Variants in GCNT3 observed in about 807,000 individuals in gnomAD.
The protein encoded by GCNT3 is beta-1,3-galactosyl-O-glycosyl-glycoprotein beta-1,6-N-acetylglucosaminyltransferase 3.
For missense variants in GCNT3, 708 were observed against 530.3 expected (o/e 1.34, Z -3.29); for synonymous variants, 269 against 195.2 (o/e 1.38, Z -3.15).
intron 1 of GCNT3, among the ~76,000 whole-genome samples, chr15:59,615,756 T>C (rs1320328388): frequency 1.3e-5 from 2 of 150,250 alleles, no homozygotes; most frequent in Non-Finnish European, 3.0e-5. Context: ...CGCATGGTGG[T>C]GTGTGCCTGT....
At chr15:59,612,497 G>T (rs554275731) in intron 1 of GCNT3, among the ~76,000 whole-genome samples, 2 of 152,278 alleles carry the variant, frequency 1.3e-5, no homozygotes, top group Admixed American at 1.3e-4. Flanking sequence ...CTGGGCTGTT[G>T]GATAAATTTG....
chr15:59,614,809 A>G (rs1254274510), intron 1 of GCNT3, among the ~76,000 whole-genome samples: 1 of 152,108 alleles, frequency 6.6e-6, no homozygotes, highest in Admixed American at 6.5e-5. Flanking sequence ...TCTCAGCCTC[A>G]TTTTACCCAG....
chr15:59,619,605 A>G lies in GCNT3; in HGVS notation c.*50A>G, dbSNP rs1489216080. 1.6e-6 allele frequency: 2 copies of G among 1,225,562 alleles called. No homozygotes were observed. The highest frequency in any genetic ancestry group is 1.9e-5 in the Admixed American group (1 of 52,302). 75.9% of individuals were successfully genotyped at this position (1,225,562 alleles called of 1,614,324 possible). ...CTGTGGGGCAAGAGCATGTACAAAC[A>G]TGCTCAGAACTTGCTGGGACAGTGT... On this transcript the variant is annotated 3_prime_UTR_variant, in exon 3 of 3. Transcript: ENST00000396065.
rs144836310 is a variant in GCNT3, at chr15:59,619,357, C to A, written c.1119C>A (p.Ile373=). The A allele has an allele frequency of 9.9e-6, 16 of 1,614,054 alleles. No individual in the cohort carries two copies. In the South Asian group the frequency reaches 1.2e-4, roughly 12 times the overall value. ...AGTGGCAGGGTCATGAGGGAGACAT[C>A]GATAAGGGTGCTCCTTATGCTCCCT... ...LVKWQGHEGD[I]DKGAPYAPCS... Residue 373 remains isoleucine, a synonymous_variant, in exon 3 of 3, where the codon ATC becomes ATA. Coordinates refer to ENST00000396065, the MANE Select transcript of GCNT3 (RefSeq NM_004751.3).
In GCNT3 at chr15:59,620,552, G is replaced by T. The variant is rs368506075; in HGVS notation, c.*997G>T. On this transcript the variant is annotated 3_prime_UTR_variant, in exon 3 of 3. Transcript: ENST00000396065. ...CATCCTCATTTTGTTTATATTGCCA[G>T]GTTTGTGATTTTTCTGTAAAGGAAA... 17 of 167,078 alleles carry T rather than the reference G, an allele frequency of 1.0e-4. No individual in the cohort carries two copies. Among genetic ancestry groups the T allele is most frequent in the African/African-American group, 4.1e-4 (17 of 41,524 alleles). The allele number at this position is 167,078 out of a possible 1,614,324, so 10.3% of individuals were successfully genotyped here. A position where few individuals can be genotyped will look rare whatever the true frequency, so the allele number is the denominator to read the frequency against.
rs1162399520 is a variant in GCNT3 at position 59,619,193 on chromosome 15, A to G, written c.955A>G (p.Ile319Val). 4.3e-6 allele frequency: 7 copies of G among 1,613,918 alleles called. No homozygotes were observed. The African/African-American group carries it at 9.3e-5, about 22-fold the overall frequency. Residue 319 changes from isoleucine (I) to valine (V), a missense_variant, in exon 3 of 3, where the codon ATT becomes GTT. Physicochemically the swap from Ile to Val is conservative, Grantham distance 29 (BLOSUM62 3). Coordinates refer to ENST00000396065, the MANE Select transcript of GCNT3 (RefSeq NM_004751.3). ...VLKNPKSQQL[I>V]EWVKDTYSPD... ...GAAGAACCCTAAATCCCAACAACTG[A>G]TTGAATGGGTAAAAGACACTTATAG...
intron 2 of GCNT3, chr15:59,617,943 G>T (rs1199662625): frequency 4.1e-6 from 1 of 243,206 alleles, no homozygotes; most frequent in East Asian, 8.5e-5. Flanking sequence ...GTGCTCAGTT[G>T]TTCCTTTTCT....
Position 59,621,615 on chromosome 15 carries a change from A to G in GCNT3, c.*2060A>G, listed in dbSNP as rs1350517633. ...TTGTTTTTTTTTTTTTTTTTGAGAC[A>G]GAGTCTCACTCTGTCACCCAGGTTG... On this transcript the variant is annotated 3_prime_UTR_variant, in exon 3 of 3. Transcript: ENST00000396065. 1 of 1,282 alleles carries G rather than the reference A, an allele frequency of 7.8e-4. No homozygotes were observed. The highest frequency in any genetic ancestry group is 2.0e-3 in the Non-Finnish European group (1 of 504). The allele number at this position is 1,282 out of a possible 1,614,324, so 0.1% of individuals were successfully genotyped here. A position where few individuals can be genotyped will look rare whatever the true frequency, so the allele number is the denominator to read the frequency against.
In GCNT3 at chr15:59,620,737, A is replaced by G. The variant is rs2082743930; in HGVS notation, c.*1182A>G. ...TAAGGTAATGTGTAATTCATTATTC[A>G]AAGTGGAACATGTTTTTGTAGGGGG... On this transcript the variant is annotated 3_prime_UTR_variant, in exon 3 of 3. Transcript: ENST00000396065. 6.0e-6 allele frequency: 1 copy of G among 167,024 alleles called. No individual in the cohort carries two copies. Among genetic ancestry groups the G allele is most frequent in the Non-Finnish European group, 1.5e-5 (1 of 68,120 alleles). 10.3% of individuals were successfully genotyped at this position (167,024 alleles called of 1,614,324 possible). A position where few individuals can be genotyped will look rare whatever the true frequency, so the allele number is the denominator to read the frequency against.
rs373439386 is a variant in GCNT3, at chr15:59,617,170, C to CTT, written c.-61+291_-61+292dup. On this transcript the variant is annotated intron_variant, in intron 2 of 2. Coordinates refer to ENST00000396065, the MANE Select transcript of GCNT3 (RefSeq NM_004751.3). The stretch of plus-strand genomic sequence containing the variant: ...TTTTTCTTTATTTTTCTTTTGTTTT[C>CTT]TTTCTTTCTTTTTTTTTTTTTAAAG... Among the ~76,000 whole-genome samples, 381 of 82,288 alleles carry CTT rather than the reference C, an allele frequency of 4.6e-3. 14 individuals are homozygous for CTT. Among genetic ancestry groups the CTT allele is most frequent in the East Asian group, 0.032 (92 of 2,878 alleles). The allele number at this position is 82,288 out of a possible 152,430, so 54.0% of individuals were successfully genotyped here. A position where few individuals can be genotyped will look rare whatever the true frequency, so the allele number is the denominator to read the frequency against.
At chr15:59,613,822 A>G (rs1403468174) in intron 1 of GCNT3, among the ~76,000 whole-genome samples, 2 of 152,040 alleles carry the variant, frequency 1.3e-5, no homozygotes, top group African/African-American at 4.8e-5. Context: ...AGCCTGGGCA[A>G]CACAGTGAAA....
rs1272227718 is a variant in GCNT3, at chr15:59,619,186, A to G, written c.948A>G (p.Gln316=). 3.1e-6 allele frequency: 5 copies of G among 1,613,892 alleles called. No homozygotes were observed. The highest frequency in any genetic ancestry group is 1.1e-5 in the South Asian group (1 of 91,058). ...VQHVLKNPKS[Q]QLIEWVKDTY... ...ATGTTTTGAAGAACCCTAAATCCCA[A>G]CAACTGATTGAATGGGTAAAAGACA... is the stretch of plus-strand genomic sequence containing the variant. The change falls in exon 3 of 3, where the codon CAA becomes CAG. Residue 316 remains glutamine, a synonymous_variant. Coordinates refer to ENST00000396065, the MANE Select transcript of GCNT3 (RefSeq NM_004751.3).
intron 1 of GCNT3, 134 bp downstream of exon 1, chr15:59,612,115 A>G (rs1054055313): frequency 6.6e-6 from 1 of 152,358 alleles, no homozygotes. Context: ...AGCCTCCGTC[A>G]AGGTTAACAT....
rs181274915 is a variant in GCNT3, at chr15:59,621,014, C to T, written c.*1459C>T. On this transcript the variant is annotated 3_prime_UTR_variant, in exon 3 of 3. Coordinates refer to ENST00000396065, the MANE Select transcript of GCNT3 (RefSeq NM_004751.3). ...TTCTCCCCCCAAACCTTGCAAGTAG[C>T]TGGGATTACAGATGTGAGCCACCAT... 4.0e-5 allele frequency: 6 copies of T among 149,814 alleles called. No homozygotes were observed. The highest frequency in any genetic ancestry group is 1.2e-4 in the African/African-American group (5 of 40,708). 9.3% of individuals were successfully genotyped at this position (149,814 alleles called of 1,614,324 possible). A position where few individuals can be genotyped will look rare whatever the true frequency, so the allele number is the denominator to read the frequency against.
rs1288802926 is a variant in GCNT3, at chr15:59,616,274, C to CT, written c.-250-411dup. Reference sequence around the variant, plus strand: ...ATGAACTATGGATTTCATTGATGTGCTTTTTTTAAAGAAAAGTAAAATAAC... The same window carrying CT: ...ATGAACTATGGATTTCATTGATGTGCTTTTTTTTAAAGAAAAGTAAAATAAC... On this transcript the variant is annotated intron_variant, in intron 1 of 2. Transcript: ENST00000396065. Among the ~76,000 whole-genome samples the CT allele has an allele frequency of 2.6e-5, 4 of 152,180 alleles. No individual in the cohort carries two copies. The East Asian group carries it at 5.8e-4, about 22-fold the overall frequency.
At position 59,619,942 on chromosome 15, in the gene GCNT3, A is replaced by G. The variant is rs1247664165; in HGVS notation, c.*387A>G. ...TCCAGGTTTGGTAGCGTGGAGGAGA[A>G]CTTTGATGGAAAGAGAACCTTCCCT... On this transcript the variant is annotated 3_prime_UTR_variant, in exon 3 of 3. Transcript: ENST00000396065. 5.2e-6 allele frequency: 1 copy of G among 191,646 alleles called. No homozygotes were observed. The highest frequency in any genetic ancestry group is 2.4e-5 in the African/African-American group (1 of 42,122). 11.9% of individuals were successfully genotyped at this position (191,646 alleles called of 1,614,324 possible). A position where few individuals can be genotyped will look rare whatever the true frequency, so the allele number is the denominator to read the frequency against.
rs1189121902 is a variant in GCNT3, at chr15:59,619,647, C to CT, written c.*95dup. On this transcript the variant is annotated 3_prime_UTR_variant, in exon 3 of 3. Coordinates refer to ENST00000396065, the MANE Select transcript of GCNT3 (RefSeq NM_004751.3). ...GGACAGTGTGGGTGGGAGACCAGGG[C>CT]TTTGCAATTCGTGGCATCCTTTAGG... 5.0e-6 allele frequency: 4 copies of CT among 799,618 alleles called. No homozygotes were observed. The African/African-American group carries it at 5.2e-5, about 10-fold the overall frequency. 49.5% of individuals were successfully genotyped at this position (799,618 alleles called of 1,614,324 possible). A position where few individuals can be genotyped will look rare whatever the true frequency, so the allele number is the denominator to read the frequency against.
chr15:59,613,098 C>G (rs987186902), intron 1 of GCNT3, among the ~76,000 whole-genome samples: 1 of 151,996 alleles, frequency 6.6e-6, no homozygotes, highest in African/African-American at 2.4e-5. Context: ...TTTGCCTGGT[C>G]CTTCATATGT....
At chr15:59,617,996 G>A (rs2082727429) in intron 2 of GCNT3, 183 bp from the exon 3 acceptor site, 7 of 334,624 alleles carry the variant, frequency 2.1e-5, no homozygotes, top group East Asian at 4.9e-5. Context: ...GAGTGTGGTC[G>A]GCTAGTTTGT....
Sources: allele counts gnomAD v4.1 joint callset (sites outside exome capture counted in the v4.1 genomes callset), GRCh38; gene constraint gnomAD v4.1.1; transcripts MANE v1.5; gene names NCBI Gene and HGNC (gene_info 2026-07-23, HGNC 2026-07-21).